AMZ1: variants seen among roughly 807,000 people sequenced by gnomAD.
The protein encoded by AMZ1 is archaelysin family metallopeptidase 1, also known as archaemetzincin-1.
A neutral mutation model predicts 29.9 loss-of-function variants in AMZ1; 39 were observed. That is an observed-to-expected ratio of 1.30 (90% CI 1.01 to 1.70). The LOEUF (loss-of-function observed/expected upper bound fraction) is 1.70. AMZ1 is among the 40% of genes most tolerant of loss of function. The pLI, the probability that AMZ1 is intolerant of heterozygous loss-of-function variation, is 0.00. For missense variants in AMZ1, 1,041 were observed against 680.6 expected, an observed-to-expected ratio of 1.53 and a Z score of -5.89; for synonymous variants, 458 against 304.0, an observed-to-expected ratio of 1.51 and a Z score of -5.27.
chr7:2,763,743 C>A (rs766792419), upstream of AMZ1, among the ~76,000 whole-genome samples: 29 of 152,314 alleles, frequency 1.9e-4, no homozygotes, highest in South Asian at 1.0e-3. Flanking sequence ...CTTCCCTGCA[C>A]AAAATGCCTC....
chr7:2,746,222 T>C (rs1790756687), intron 4 of AMZ1, among the ~76,000 whole-genome samples: 1 of 152,186 alleles, frequency 6.6e-6, no homozygotes, highest in Non-Finnish European at 1.5e-5. Context: ...TATACATTCT[T>C]TTCAGCACCA....
chr7:2,709,917 C>G lies in AMZ1; in HGVS notation c.948+101C>G, dbSNP rs888806509. The G allele has an allele frequency of 2.7e-6, 4 of 1,486,570 alleles. No homozygotes were observed. The African/African-American group carries it at 5.6e-5, about 21-fold the overall frequency. The allele number at this position is 1,486,570 out of a possible 1,614,324, so 92.1% of individuals were successfully genotyped here. On this transcript the variant is annotated intron_variant, in intron 6 of 6. Transcript: ENST00000683327. The stretch of plus-strand genomic sequence containing the variant: ...GCAGGGCATGGGGACCGCACACAGG[C>G]TTTGTCAACTGCCGGGTTCCAGGCA...
rs759492536 is a variant in AMZ1 at position 2,731,196 on chromosome 7, G to A, written n.550+21380G>A. ...GCTTCCTCGCTCACTGCAGCATGAT[G>A]TCCTTCAGGTTCTCCTGCAGGATGG... On this transcript the variant is annotated intron_variant and non_coding_transcript_variant, in intron 4 of 4. Transcript: ENST00000489665. The surrounding 1 kb of genome is among the most constrained non-coding windows in gnomAD (Gnocchi z 6.0). The A allele has an allele frequency of 1.9e-6, 3 of 1,609,884 alleles. No individual in the cohort carries two copies. Among genetic ancestry groups the A allele is most frequent in the South Asian group, 2.2e-5 (2 of 90,932 alleles).
intron 4 of AMZ1, among the ~76,000 whole-genome samples, chr7:2,734,703 G>A (rs952220724): frequency 4.6e-5 from 7 of 152,194 alleles, no homozygotes; most frequent in Non-Finnish European, 8.8e-5. Context: ...GAAGGCCTCT[G>A]GATGTTTTCA....
intron 1 of AMZ1, among the ~76,000 whole-genome samples, chr7:2,696,087 C>T (rs1787706291): frequency 6.6e-6 from 1 of 151,758 alleles, no homozygotes; most frequent in South Asian, 2.1e-4. Flanking sequence ...CCCCCCTCGC[C>T]CCGCCCCCCA....
chr7:2,719,368 C>A lies in AMZ1; in HGVS notation c.*6490C>A, dbSNP rs798556. 0.25 allele frequency among the ~76,000 whole-genome samples: 38,160 copies of A among 152,114 alleles called. 5,297 individuals carry two copies. Among genetic ancestry groups the A allele is most frequent in the Non-Finnish European group, 0.29 (19,939 of 67,962 alleles). On this transcript the variant is annotated 3_prime_UTR_variant, in exon 7 of 7. Coordinates refer to ENST00000683327, the MANE Select transcript of AMZ1 (RefSeq NM_001384743.1). ...GCAATGCCTAAAGAGGGCAAAGGCC[C>A]GCGCGCCTGGCAGAGCTCCCTCCTC...
chr7:2,755,062 C>T (rs2115376080), intron 4 of AMZ1, among the ~76,000 whole-genome samples: 1 of 152,326 alleles, frequency 6.6e-6, no homozygotes, highest in South Asian at 2.1e-4. Context: ...TTGCTTCTGC[C>T]CTTGGCTGCA....
At chr7:2,761,187 A>G (rs2115396428), upstream of AMZ1, among the ~76,000 whole-genome samples, 1 of 152,014 alleles carries the variant, frequency 6.6e-6, no homozygotes, top group African/African-American at 2.4e-5. Context: ...CGTGCACGGC[A>G]CTGCGCAAAC....
upstream of AMZ1, chr7:2,763,150 T>C: frequency 8.3e-7 from 1 of 1,201,018 alleles, no homozygotes; most frequent in Non-Finnish European, 1.0e-6. Flanking sequence ...TTCTCGAATA[T>C]TCTGCTGACA....
intron 4 of AMZ1, among the ~76,000 whole-genome samples, chr7:2,725,720 GC>G (rs1307977436): frequency 6.6e-6 from 1 of 152,238 alleles, no homozygotes; most frequent in Non-Finnish European, 1.5e-5. Flanking sequence ...TCGCCTGTCA[GC>G]CGCCGTTGAG....
Position 2,757,129 on chromosome 7 carries a change from CTTTTTTT to C in AMZ1, n.551-7565_551-7559del, listed in dbSNP as rs71026549. 6.1e-3 allele frequency among the ~76,000 whole-genome samples: 572 copies of C among 93,976 alleles called. 1 individual carries two copies. The highest frequency in any genetic ancestry group is 8.8e-3 in the Non-Finnish European group (448 of 51,072). 61.7% of individuals were successfully genotyped at this position (93,976 alleles called of 152,430 possible). ...GCAGGCCCGATCTAATCAGGTGGGC[CTTTTTTT>C]TTTTTTTTTTTTTTTTTGAGACGGA... On this transcript the variant is annotated intron_variant and non_coding_transcript_variant, in intron 4 of 4. Transcript: ENST00000489665.
chr7:2,761,293 G>GCCA (rs1412206309), upstream of AMZ1, among the ~76,000 whole-genome samples: 1 of 152,154 alleles, frequency 6.6e-6, no homozygotes, highest in Admixed American at 6.6e-5. Flanking sequence ...TGAGGTCAAA[G>GCCA]CCACCACCCC....
At chr7:2,744,071 T>G (rs1356451969) in intron 4 of AMZ1, among the ~76,000 whole-genome samples, 1 of 152,232 alleles carries the variant, frequency 6.6e-6, no homozygotes, top group African/African-American at 2.4e-5. Context: ...CCTGCCTGCC[T>G]CTGTAGGTTC....
chr7:2,700,864 A>G (rs1788014812), intron 2 of AMZ1, 109 bp downstream of exon 2: 8 of 1,426,696 alleles, frequency 5.6e-6, no homozygotes, highest in Non-Finnish European at 7.6e-6. Context: ...ATGAGGGAAG[A>G]GGGTCCTGGG....
At chr7:2,702,686 G>A in intron 2 of AMZ1, 36 bp from the exon 3 acceptor site, 1 of 1,495,402 alleles carries the variant, frequency 6.7e-7, no homozygotes. Context: ...GGCGGGCAGG[G>A]GCGTCGCAGG....
chr7:2,747,471 A>AC (rs1790823052), intron 4 of AMZ1, among the ~76,000 whole-genome samples: 2 of 152,092 alleles, frequency 1.3e-5, no homozygotes, highest in African/African-American at 4.8e-5. Context: ...AAATTCAACA[A>AC]CCTTCATGCT....
chr7:2,711,604 C>T (rs1788783468), intron 6 of AMZ1, among the ~76,000 whole-genome samples: 1 of 152,130 alleles, frequency 6.6e-6, no homozygotes, highest in Non-Finnish European at 1.5e-5. Context: ...CATTTTTTTC[C>T]CCCTGGTGGT....
chr7:2,699,476 G>C (rs965371934), intron 1 of AMZ1, among the ~76,000 whole-genome samples: 1 of 152,168 alleles, frequency 6.6e-6, no homozygotes, highest in Non-Finnish European at 1.5e-5. Context: ...TCTGGATCTC[G>C]GGCCCTCACG....
In AMZ1 at chr7:2,713,533, C is replaced by T. The variant is rs1788935861; in HGVS notation, c.*655C>T. The T allele has an allele frequency of 6.6e-6, 1 of 152,530 alleles. No individual in the cohort carries two copies. Among genetic ancestry groups the T allele is most frequent in the Admixed American group, 6.5e-5 (1 of 15,284 alleles). 9.4% of individuals were successfully genotyped at this position (152,530 alleles called of 1,614,324 possible). A position where few individuals can be genotyped will look rare whatever the true frequency, so the allele number is the denominator to read the frequency against. Reference sequence around the variant, plus strand: ...AGGCTGGCTCAGATGAGGAGTGACCCCGGGGGCACACAGGCTCCACACTGC... The same window carrying T: ...AGGCTGGCTCAGATGAGGAGTGACCTCGGGGGCACACAGGCTCCACACTGC... On this transcript the variant is annotated 3_prime_UTR_variant, in exon 7 of 7. Coordinates refer to ENST00000683327, the MANE Select transcript of AMZ1 (RefSeq NM_001384743.1).
Sources: allele counts gnomAD v4.1 joint callset (sites outside exome capture counted in the v4.1 genomes callset), GRCh38; gene constraint gnomAD v4.1.1; non-coding constraint Gnocchi (gnomAD v3.1); transcripts MANE v1.5; gene names NCBI Gene and HGNC (gene_info 2026-07-23, HGNC 2026-07-21).